Variants in TIAM1 observed in about 807,000 individuals in gnomAD.
TIAM1 encodes the protein TIAM Rac1 associated GEF 1.
Under a neutral mutation model 163.5 loss-of-function variants are expected in TIAM1, and 65 were observed. That is an observed-to-expected ratio of 0.40 (90% CI 0.33 to 0.49). The LOEUF is 0.49. Ranked by LOEUF, TIAM1 falls within the 20% of genes least tolerant of loss-of-function variation. The probability of loss-of-function intolerance (pLI) is 0.77; values close to 1 mark genes in which losing one functional copy is unlikely to be tolerated. For synonymous variants in TIAM1, 833 were observed against 810.1 expected (o/e 1.03, Z -0.48); for missense variants, 1,789 against 2,044.7 (o/e 0.87, Z 2.41).
chr21:31,370,312 T>C (rs2076574299), intron 2 of TIAM1, among the ~76,000 whole-genome samples: 2 of 152,236 alleles, frequency 1.3e-5, no homozygotes, highest in African/African-American at 2.4e-5. Context: ...CCTGATAATA[T>C]TGAGATACAC....
intron 1 of TIAM1, among the ~76,000 whole-genome samples, chr21:31,467,503 A>G (rs374979100): frequency 6.6e-6 from 1 of 151,746 alleles, no homozygotes; most frequent in Non-Finnish European, 1.5e-5. Context: ...ACACATGCCT[A>G]TAATCCCAGC....
At chr21:31,343,933 C>T (rs1166653474) in intron 1 of TIAM1, among the ~76,000 whole-genome samples, 1 of 152,216 alleles carries the variant, frequency 6.6e-6, no homozygotes, top group African/African-American at 2.4e-5. Flanking sequence ...CGGCAACGCG[C>T]GCCGAGCCTC....
At chr21:31,153,295 T>TCCA (rs2083464964) in intron 17 of TIAM1, among the ~76,000 whole-genome samples, 161 bp from the exon 18 acceptor site, 1 of 152,146 alleles carries the variant, frequency 6.6e-6, no homozygotes, top group Admixed American at 6.5e-5. Context: ...GTCGTTAAGG[T>TCCA]CCATTTCATG....
chr21:31,286,950 A>C (rs2073833097), intron 2 of TIAM1, among the ~76,000 whole-genome samples: 1 of 152,186 alleles, frequency 6.6e-6, no homozygotes, highest in Non-Finnish European at 1.5e-5. Context: ...AATGGAAAAA[A>C]AAAATGACCT....
intron 6 of TIAM1, among the ~76,000 whole-genome samples, chr21:31,230,059 A>T (rs565833178): frequency 1.8e-3 from 273 of 152,326 alleles, no homozygotes; most frequent in African/African-American, 6.0e-3. Flanking sequence ...AACACCTGGC[A>T]GGTGGAAGCT....
chr21:31,427,828 C>T (rs1358345275), intron 2 of TIAM1, among the ~76,000 whole-genome samples: 1 of 151,754 alleles, frequency 6.6e-6, no homozygotes, highest in Non-Finnish European at 1.5e-5. Context: ...AGCAATACCC[C>T]GTCTCAAAAA....
At chr21:31,237,503 A>G (rs2070955522) in intron 6 of TIAM1, among the ~76,000 whole-genome samples, 1 of 152,242 alleles carries the variant, frequency 6.6e-6, no homozygotes, top group African/African-American at 2.4e-5. Context: ...TATTACTAAA[A>G]TGGTAACTGT....
At chr21:31,504,940 C>CA (rs1225133790) in intron 1 of TIAM1, among the ~76,000 whole-genome samples, 1 of 152,148 alleles carries the variant, frequency 6.6e-6, no homozygotes, top group African/African-American at 2.4e-5. Context: ...CAGAAATGAC[C>CA]ACTTTTAAAG....
chr21:31,415,146 T>C (rs1016227610), intron 2 of TIAM1, among the ~76,000 whole-genome samples: 8 of 152,198 alleles, frequency 5.3e-5, no homozygotes, highest in African/African-American at 1.9e-4. Context: ...ATAGAATGTC[T>C]TCTTACCCAA....
chr21:31,501,316 A>T (rs2046841161), intron 1 of TIAM1, among the ~76,000 whole-genome samples: 1 of 151,928 alleles, frequency 6.6e-6, no homozygotes, highest in Non-Finnish European at 1.5e-5. Flanking sequence ...GGGGTGCTGG[A>T]TTTTTTTTGT....
intron 13 of TIAM1, among the ~76,000 whole-genome samples, chr21:31,189,042 C>CTTTT: frequency 1.2e-5 from 1 of 84,942 alleles, no homozygotes; most frequent in South Asian, 5.1e-4. Flanking sequence ...GCTCCATTCC[C>CTTTT]TCTTTTTTTT....
chr21:31,463,797 C>T lies in TIAM1; in HGVS notation c.-369+186G>A, dbSNP rs35415046. The stretch of plus-strand genomic sequence containing the variant: ...AGCGCCATTGCACTCCAGCAACAGA[C>T]TAAGGCTCCGTCTCCAAAAAAAAAA... On this transcript the variant is annotated intron_variant, in intron 2 of 28. Coordinates refer to the TIAM1 transcript ENST00000286827. Among the ~76,000 whole-genome samples the T allele has an allele frequency of 2.9e-5, 4 of 139,768 alleles. No homozygotes were observed. The East Asian group carries it at 8.6e-4, about 30-fold the overall frequency. 91.7% of individuals were successfully genotyped at this position (139,768 alleles called of 152,430 possible).
intron 2 of TIAM1, among the ~76,000 whole-genome samples, chr21:31,430,965 G>T (rs948280743): frequency 6.6e-6 from 1 of 152,112 alleles, no homozygotes; most frequent in Non-Finnish European, 1.5e-5. Context: ...GATCTTGCCA[G>T]CTTAGCTCAT....
intron 13 of TIAM1, among the ~76,000 whole-genome samples, chr21:31,189,044 CTTTTTTTTTTT>C (rs58786753): frequency 0.047 from 3,296 of 70,204 alleles, 144 homozygotes; most frequent in African/African-American, 0.16. Context: ...TCCATTCCCT[CTTTTTTTTTTT>C]TTTTTTTTTT....
intron 10 of TIAM1, among the ~76,000 whole-genome samples, chr21:31,210,814 G>GAAAGGA (rs147674572): frequency 6.8e-6 from 1 of 147,616 alleles, no homozygotes; most frequent in African/African-American, 2.6e-5. Context: ...AAGAAAGAAA[G>GAAAGGA]GTCACCATTC....
intron 2 of TIAM1, among the ~76,000 whole-genome samples, chr21:31,308,441 AATT>A (rs2074800360): frequency 6.6e-6 from 1 of 150,600 alleles, no homozygotes; most frequent in Non-Finnish European, 1.5e-5. Flanking sequence ...TTTAACCTGT[AATT>A]ATTAAATCAC....
In TIAM1 at chr21:31,508,965, C is replaced by A. The variant is rs140334291; in HGVS notation, c.-421-44930G>T. Among the ~76,000 whole-genome samples the A allele has an allele frequency of 3.2e-4, 48 of 152,256 alleles. No individual in the cohort carries two copies. The East Asian group carries it at 8.9e-3, about 28-fold the overall frequency. ...GCTACGAACTCACCTGCCCCTCCCC[C>A]ATGCCTTGTCATGAACAAAAATGCC... On this transcript the variant is annotated intron_variant, in intron 1 of 28. Coordinates refer to the TIAM1 transcript ENST00000286827.
intron 2 of TIAM1, among the ~76,000 whole-genome samples, chr21:31,370,519 C>T (rs2076579004): frequency 6.6e-6 from 1 of 151,964 alleles, no homozygotes; most frequent in Admixed American, 6.5e-5. Context: ...GACTGCAGGC[C>T]AAAGTAGATT....
chr21:31,269,400 C>T (rs1180787765), intron 3 of TIAM1, among the ~76,000 whole-genome samples: 3 of 152,150 alleles, frequency 2.0e-5, no homozygotes, highest in African/African-American at 7.2e-5. Context: ...CAGGGGATGG[C>T]CTAAGGAGAG....
Sources: allele counts gnomAD v4.1 joint callset (sites outside exome capture counted in the v4.1 genomes callset), GRCh38; gene constraint gnomAD v4.1.1; transcripts MANE v1.5; gene names NCBI Gene and HGNC (gene_info 2026-07-23, HGNC 2026-07-21).